PGBD1: variants seen among roughly 807,000 people sequenced by gnomAD.
PGBD1 encodes the protein piggyBac transposable element derived 1.
In PGBD1, 25 loss-of-function variants were observed where a neutral mutation model predicts 34.7. That is an observed-to-expected ratio of 0.72 (90% confidence interval 0.52 to 1.00). The LOEUF (loss-of-function observed/expected upper bound fraction) is 1.00. Among genes scored for constraint, PGBD1 ranks in the 50% least tolerant of loss-of-function variants. The pLI is 0.00. For synonymous variants in PGBD1, 292 were observed against 335.7 expected (o/e 0.87, Z 1.42); for missense variants, 830 against 959.4 (o/e 0.87, Z 1.78).
chr6:28,284,034 G>A lies in PGBD1; in HGVS notation c.221G>A (p.Arg74Lys), dbSNP rs1049290095. The change falls in exon 2 of 7, where the codon AGA becomes AAA. Residue 74 changes from arginine (R) to lysine (K), a missense_variant. Arg to Lys is a conservative substitution (Grantham distance 26). Coordinates refer to ENST00000682144, the MANE Select transcript of PGBD1 (RefSeq NM_032507.4). ...QLRELCHQWL[R>K]PEMHTKEQIM... ...CGAGAACTTTGTCATCAATGGCTGA[G>A]ACCGGAGATGCACACCAAGGAACAG... 3 of 1,614,066 alleles carry A rather than the reference G, an allele frequency of 1.9e-6. No homozygotes were observed. The African/African-American group carries it at 4.0e-5, about 22-fold the overall frequency.
At position 28,301,056 on chromosome 6, in the gene PGBD1, G is replaced by A; in HGVS notation, c.1202G>A (p.Ser401Asn). The A allele has an allele frequency of 6.2e-7, 1 of 1,614,190 alleles. No individual in the cohort carries two copies. Among genetic ancestry groups the A allele is most frequent in the Non-Finnish European group, 8.5e-7 (1 of 1,180,040 alleles). The change falls in exon 7 of 7, where the codon AGC becomes AAC. Residue 401 changes from serine to asparagine, a missense_variant. This residue lies in a region of PGBD1 where 457 missense variants were observed against 515.4 expected (regional missense o/e 0.89). Coordinates refer to ENST00000682144, the MANE Select transcript of PGBD1 (RefSeq NM_032507.4). ...AGAGACATTAAACCCAATTTTCCAA[G>A]CTGGTCAGCACTGGATTCTGGACTT... Reference protein sequence around the residue: ...TKRDIKPNFPSWSALDSGLLN... With the variant: ...TKRDIKPNFPNWSALDSGLLN...
chr6:28,293,696 A>G (rs1467796524), intron 4 of PGBD1, among the ~76,000 whole-genome samples: 1 of 152,152 alleles, frequency 6.6e-6, no homozygotes, highest in Non-Finnish European at 1.5e-5. Context: ...TGATGTTACT[A>G]TTGAATTTGT....
chr6:28,284,204 CAA>C lies in PGBD1; in HGVS notation c.392_393del (p.Gln131ProfsTer40), dbSNP rs1160727062. 9.1e-6 allele frequency: 14 copies of C among 1,542,258 alleles called. No homozygotes were observed. The highest frequency in any genetic ancestry group is 1.2e-5 in the Non-Finnish European group (14 of 1,141,976). Reference sequence around the variant, plus strand: ...AGAGACAGGAAGTGGAGACACAGGACAACAGGTGGGAAGAGAATGTGTGTGGT... The same window carrying C: ...AGAGACAGGAAGTGGAGACACAGGACCAGGTGGGAAGAGAATGTGTGTGGT... The part of the protein sequence containing the change: ...NLETGSGDTG[Q>X]QASVYIQGQD... On this transcript the variant is annotated frameshift_variant, in exon 2 of 7. Coordinates refer to ENST00000682144, the MANE Select transcript of PGBD1 (RefSeq NM_032507.4). LOFTEE classifies it high-confidence loss of function.
chr6:28,284,358 C>T (rs1762220779), intron 2 of PGBD1, 149 bp downstream of exon 2: 5 of 895,284 alleles, frequency 5.6e-6, no homozygotes, highest in African/African-American at 3.4e-5. Flanking sequence ...CCAAATTTGC[C>T]AGTTGTTAAC....
rs989098841 is a variant in PGBD1, at chr6:28,285,806, A to G, written c.553+99A>G. The G allele has an allele frequency of 1.7e-5, 21 of 1,261,104 alleles. No homozygotes were observed. In the Admixed American group the frequency reaches 5.4e-4, roughly 32 times the overall value. The allele number at this position is 1,261,104 out of a possible 1,614,324, so 78.1% of individuals were successfully genotyped here. A position where few individuals can be genotyped will look rare whatever the true frequency, so the allele number is the denominator to read the frequency against. On this transcript the variant is annotated intron_variant, in intron 3 of 6. Coordinates refer to ENST00000682144, the MANE Select transcript of PGBD1 (RefSeq NM_032507.4). ...AGTTTGTATACATTGTGAAATGATT[A>G]CCACAAGCTAACTTACATATCTCAC... is the stretch of plus-strand genomic sequence containing the variant.
At chr6:28,282,467 T>C (rs1762158615) in intron 1 of PGBD1, among the ~76,000 whole-genome samples, 1 of 152,176 alleles carries the variant, frequency 6.6e-6, no homozygotes, top group South Asian at 2.1e-4. Context: ...AACTGTGCTT[T>C]AGGGAATATT....
In PGBD1 at chr6:28,302,123, A is replaced by T. The variant is rs753990465; in HGVS notation, c.2269A>T (p.Lys757Ter). 1 of 1,614,078 alleles carries T rather than the reference A, an allele frequency of 6.2e-7. No homozygotes were observed. The highest frequency in any genetic ancestry group is 8.5e-7 in the Non-Finnish European group (1 of 1,180,042). ...SKYRVRIRSK[K>*]WYSILVSYMI... ...ATACAGGGTGAGGATAAGAAGCAAG[A>T]AATGGTACTCAATTTTGGTGAGCTA... Residue 757 changes from lysine to a stop codon, truncating the protein, a stop_gained, in exon 7 of 7, where the codon AAA (lysine) becomes TAA (stop). Coordinates refer to ENST00000682144, the MANE Select transcript of PGBD1 (RefSeq NM_032507.4). LOFTEE classifies it low-confidence loss of function (END_TRUNC).
At chr6:28,287,001 G>A in intron 3 of PGBD1, 79 bp from the exon 4 acceptor site, 1 of 1,060,650 alleles carries the variant, frequency 9.4e-7, no homozygotes, top group South Asian at 1.3e-5. Flanking sequence ...AACATTTGGG[G>A]GAAAAGGCTG....
At chr6:28,282,810 T>C (rs764355317) in intron 1 of PGBD1, among the ~76,000 whole-genome samples, 1 of 152,158 alleles carries the variant, frequency 6.6e-6, no homozygotes, top group Non-Finnish European at 1.5e-5. Context: ...AAAAGCAAGC[T>C]GGTGCCAAAG....
chr6:28,300,644 A>T lies in PGBD1; in HGVS notation c.870-80A>T. On this transcript the variant is annotated intron_variant, in intron 6 of 6. Transcript: ENST00000682144. The surrounding 1 kb of genome is among the most constrained non-coding windows in gnomAD (Gnocchi z 4.0). ...CCACACCCACCCCAAGCCCCAAAAG[A>T]TTTAAGCTTCAGCAGATTTATCATG... The T allele has an allele frequency of 7.8e-6, 11 of 1,410,044 alleles. No individual in the cohort carries two copies. Among genetic ancestry groups the T allele is most frequent in the Non-Finnish European group, 1.1e-5 (11 of 1,039,640 alleles). 87.3% of individuals were successfully genotyped at this position (1,410,044 alleles called of 1,614,324 possible). A position where few individuals can be genotyped will look rare whatever the true frequency, so the allele number is the denominator to read the frequency against.
rs375081993 is a variant in PGBD1 at position 28,296,806 on chromosome 6, G to A, written c.643-10G>A. On this transcript the variant is annotated splice_polypyrimidine_tract_variant and intron_variant, in intron 4 of 6. Transcript: ENST00000682144. ...AACAAAGAGGCTATTTTCTTTTTTTGTCTTTTTAGACATTGGTGAAGACTG... is the reference window on the plus strand; with the variant it reads ...AACAAAGAGGCTATTTTCTTTTTTTATCTTTTTAGACATTGGTGAAGACTG... 1.9e-6 allele frequency: 3 copies of A among 1,610,262 alleles called. No homozygotes were observed. The highest frequency in any genetic ancestry group is 2.2e-5 in the East Asian group (1 of 44,850).
chr6:28,283,793 G>A lies in PGBD1; in HGVS notation c.-21G>A. 6.5e-7 allele frequency: 1 copy of A among 1,548,576 alleles called. No homozygotes were observed. The highest frequency in any genetic ancestry group is 1.2e-5 in the South Asian group (1 of 81,106). On this transcript the variant is annotated 5_prime_UTR_variant, in exon 2 of 7. Transcript: ENST00000682144. ...GAATATAGACCCCAAGCTAAGTGAA[G>A]CTTTAGCCTCTAAGCTCAACATGTA... is the stretch of plus-strand genomic sequence containing the variant.
At chr6:28,286,631 T>A (rs987080624) in intron 3 of PGBD1, among the ~76,000 whole-genome samples, 1 of 152,172 alleles carries the variant, frequency 6.6e-6, no homozygotes, top group South Asian at 2.1e-4. Flanking sequence ...TCTATTTTTT[T>A]AAATATCTTT....
At chr6:28,287,804 C>A (rs945251287) in intron 4 of PGBD1, among the ~76,000 whole-genome samples, 37 of 152,140 alleles carry the variant, frequency 2.4e-4, no homozygotes, top group African/African-American at 8.7e-4. Flanking sequence ...ATTTTTAATT[C>A]TATCAGACCC....
At chr6:28,283,336 CA>C (rs1762182614) in intron 1 of PGBD1, among the ~76,000 whole-genome samples, 1 of 152,204 alleles carries the variant, frequency 6.6e-6, no homozygotes, top group East Asian at 1.9e-4. Context: ...AAAATCTCAT[CA>C]CAAAAGGTAT....
intron 4 of PGBD1, among the ~76,000 whole-genome samples, chr6:28,289,042 T>C (rs1036784582): frequency 2.0e-5 from 3 of 151,654 alleles, no homozygotes; most frequent in African/African-American, 7.3e-5. Context: ...AGAGAAATAA[T>C]AACAAAAATC....
chr6:28,300,841 A>T lies in PGBD1; in HGVS notation c.987A>T (p.Ser329=). 1 of 1,613,754 alleles carries T rather than the reference A, an allele frequency of 6.2e-7. No individual in the cohort carries two copies. Among genetic ancestry groups the T allele is most frequent in the Non-Finnish European group, 8.5e-7 (1 of 1,179,724 alleles). The change falls in exon 7 of 7, where the codon TCA becomes TCT. Residue 329 remains serine, a synonymous_variant. Coordinates refer to ENST00000682144, the MANE Select transcript of PGBD1 (RefSeq NM_032507.4). This position sits in a 1 kb window ranked among gnomAD's most constrained non-coding sequence, Gnocchi z 4.0. The part of the protein sequence containing the change: ...PGDLWARMHI[S]SLEYAAGDIT... ...ATTTGTGGGCCCGCATGCACATCTC[A>T]TCCCTGGAATATGCTGCAGGAGACA...
intron 5 of PGBD1, 147 bp from the exon 6 acceptor site, chr6:28,297,748 T>C: frequency 1.7e-6 from 1 of 578,636 alleles, no homozygotes; most frequent in Non-Finnish European, 3.0e-6. Context: ...GCTGAAACTG[T>C]GCACCCTTGA....
intron 4 of PGBD1, among the ~76,000 whole-genome samples, chr6:28,292,855 C>G (rs79093134): frequency 6.6e-6 from 1 of 152,094 alleles, no homozygotes; most frequent in Non-Finnish European, 1.5e-5. Flanking sequence ...ATCTGCAAGC[C>G]GAGGAACACC....
Sources: gnomAD v4.1 joint callset for allele counts (sites outside exome capture counted in the v4.1 genomes callset) on GRCh38, gnomAD v4.1.1 for gene constraint, gnomAD v4.1.1 regional missense constraint, Gnocchi (gnomAD v3.1) non-coding constraint, MANE v1.5 for transcripts, NCBI Gene and HGNC (gene_info 2026-07-23, HGNC 2026-07-21) for gene names.